CRTAP: variants seen among roughly 807,000 people sequenced by gnomAD.
CRTAP encodes cartilage-associated protein.
CRTAP carries 33 observed loss-of-function variants against 42.7 expected under a neutral mutation model. The observed-to-expected ratio is 0.77, with a 90% CI of 0.59 to 1.03. The LOEUF is 1.03. Among genes scored for constraint, CRTAP ranks in the 50% least tolerant of loss-of-function variants. The pLI is 0.00. For synonymous variants in CRTAP, 243 were observed against 217.7 expected (o/e 1.12, Z -1.02); for missense variants, 613 against 533.9 (o/e 1.15, Z -1.46).
Position 33,145,248 on chromosome 3 carries a change from T to C in CRTAP, c.*2800T>C, listed in dbSNP as rs537364267. 6.6e-6 allele frequency: 1 copy of C among 152,542 alleles called. No homozygotes were observed. The highest frequency in any genetic ancestry group is 2.1e-4 in the South Asian group (1 of 4,822). 9.4% of individuals were successfully genotyped at this position (152,542 alleles called of 1,614,324 possible). ...CCTGCATCAGGTTCTCCTTTGAGGG[T>C]ACCCACCCAGGACAGTCCCCTACCA... On this transcript the variant is annotated 3_prime_UTR_variant, in exon 7 of 7. Coordinates refer to ENST00000320954, the MANE Select transcript of CRTAP (RefSeq NM_006371.5). The surrounding 1 kb of genome is among the most constrained non-coding windows in gnomAD (Gnocchi z 4.3).
In CRTAP at chr3:33,132,605, G is replaced by C. The variant is rs2030298942; in HGVS notation, c.973G>C (p.Asp325His). Residue 325 changes from aspartate to histidine, a missense_variant, in exon 5 of 7, where the codon GAT (aspartate) becomes CAT (histidine). By Grantham distance (81) the Asp-to-His change is moderately conservative. Transcript: ENST00000320954. ...CTGTGCAGTCAGCTATCTGCTCTTT[G>C]ATCAGAATGACAAGGTCATGCAGCA... ...APCAVSYLLF[D>H]QNDKVMQQNL... The C allele has an allele frequency of 2.5e-6, 4 of 1,614,154 alleles. No homozygotes were observed. The highest frequency in any genetic ancestry group is 2.2e-5 in the East Asian group (1 of 44,878).
chr3:33,132,441 TGAA>T lies in CRTAP; in HGVS notation c.923-109_923-107del, dbSNP rs1401355372. Reference sequence around the variant, plus strand: ...GGCTGCCAGTCGGCCCCAGGCTCTCTGAAGAAGGACTGTGGAGAAGGGGCTTGT... The same window carrying T: ...GGCTGCCAGTCGGCCCCAGGCTCTCTGAAGGACTGTGGAGAAGGGGCTTGT... On this transcript the variant is annotated intron_variant, in intron 4 of 6. Transcript: ENST00000320954. 4.0e-6 allele frequency: 6 copies of T among 1,483,538 alleles called. No individual in the cohort carries two copies. In the Admixed American group the frequency reaches 8.4e-5, roughly 21 times the overall value. The allele number at this position is 1,483,538 out of a possible 1,614,324, so 91.9% of individuals were successfully genotyped here. A position where few individuals can be genotyped will look rare whatever the true frequency, so the allele number is the denominator to read the frequency against.
chr3:33,114,622 G>A (rs1425793401), intron 1 of CRTAP, 74 bp downstream of exon 1: 6 of 1,410,164 alleles, frequency 4.3e-6, no homozygotes, highest in Non-Finnish European at 5.8e-6. Flanking sequence ...CCCCGCCCCT[G>A]CGCCCGGGGC....
intron 5 of CRTAP, among the ~76,000 whole-genome samples, chr3:33,133,404 G>A (rs532668764): frequency 3.3e-5 from 5 of 151,834 alleles, no homozygotes; most frequent in African/African-American, 2.4e-5. Context: ...GATTACAGGC[G>A]TGCACCAACA....
At chr3:33,139,178 C>T (rs2030505336) in intron 6 of CRTAP, among the ~76,000 whole-genome samples, 1 of 151,958 alleles carries the variant, frequency 6.6e-6, no homozygotes, top group African/African-American at 2.4e-5. Context: ...TGGTGCACAT[C>T]TGTAATCCTA....
chr3:33,125,132 A>G, intron 3 of CRTAP, among the ~76,000 whole-genome samples: 1 of 152,210 alleles, frequency 6.6e-6, no homozygotes, highest in East Asian at 1.9e-4. Flanking sequence ...GACATTTCCC[A>G]AGTGCTTTAC....
rs2030609138 is a variant in CRTAP, at chr3:33,142,630, C to CTTG, written c.*182_*183insTTG. On this transcript the variant is annotated 3_prime_UTR_variant, in exon 7 of 7. Coordinates refer to ENST00000320954, the MANE Select transcript of CRTAP (RefSeq NM_006371.5). Reference sequence around the variant, plus strand: ...TGAGCCTGCCTTTCCTATCTTCACACCTGCCACCTCATGTTCACACCTATC... The same window carrying CTTG: ...TGAGCCTGCCTTTCCTATCTTCACACTTGCTGCCACCTCATGTTCACACCTATC... 9 of 599,732 alleles carry CTTG rather than the reference C, an allele frequency of 1.5e-5. No homozygotes were observed. The highest frequency in any genetic ancestry group is 2.7e-5 in the Non-Finnish European group (9 of 336,854). 37.2% of individuals were successfully genotyped at this position (599,732 alleles called of 1,614,324 possible).
In CRTAP at chr3:33,146,028, TA is replaced by T. The variant is rs139183288; in HGVS notation, c.*3592del. Reference sequence around the variant, plus strand: ...TTCTATTTCAAAGGAAACCAAACCTTAAAAAAAAAAAACAAAAACTGGGCTG... The same window carrying T: ...TTCTATTTCAAAGGAAACCAAACCTTAAAAAAAAAAACAAAAACTGGGCTG... On this transcript the variant is annotated 3_prime_UTR_variant, in exon 7 of 7. Coordinates refer to ENST00000320954, the MANE Select transcript of CRTAP (RefSeq NM_006371.5). 6.2e-3 allele frequency: 878 copies of T among 141,036 alleles called. 2 individuals carry two copies. Among genetic ancestry groups the T allele is most frequent in the Non-Finnish European group, 0.01 (657 of 64,426 alleles). 8.7% of individuals were successfully genotyped at this position (141,036 alleles called of 1,614,324 possible).
rs747540938 is a variant in CRTAP at position 33,132,650 on chromosome 3, T to C, written c.1018T>C (p.Tyr340His). The change falls in exon 5 of 7, where the codon TAC becomes CAC. Residue 340 changes from tyrosine to histidine, a missense_variant. Physicochemically the swap from Tyr to His is moderately conservative, Grantham distance 83 (BLOSUM62 2). Transcript: ENST00000320954. The part of the protein sequence containing the change: ...VMQQNLVYYQ[Y>H]HRDTWGLSDE... Reference sequence around the variant, plus strand: ...GCAGCAGAACCTGGTGTATTACCAGTACCACAGGGACACTTGGGGCCTCTC... The same window carrying C: ...GCAGCAGAACCTGGTGTATTACCAGCACCACAGGGACACTTGGGGCCTCTC... 1.2e-6 allele frequency: 2 copies of C among 1,614,110 alleles called. No homozygotes were observed. The highest frequency in any genetic ancestry group is 1.7e-6 in the Non-Finnish European group (2 of 1,179,960).
intron 5 of CRTAP, among the ~76,000 whole-genome samples, chr3:33,133,948 G>T (rs1438170341): frequency 6.6e-6 from 1 of 152,102 alleles, no homozygotes; most frequent in Non-Finnish European, 1.5e-5. Flanking sequence ...TCCACTGAGG[G>T]CTGGCCACTC....
intron 4 of CRTAP, among the ~76,000 whole-genome samples, chr3:33,132,335 G>T (rs1467825120): frequency 6.6e-6 from 1 of 152,208 alleles, no homozygotes; most frequent in Non-Finnish European, 1.5e-5. Flanking sequence ...TTTCTCCATA[G>T]GCATGTGCCT....
At chr3:33,120,212 G>C in intron 1 of CRTAP, 132 bp from the exon 2 acceptor site, 1 of 827,800 alleles carries the variant, frequency 1.2e-6, no homozygotes, top group East Asian at 2.5e-5. Flanking sequence ...AGGGGCCCTG[G>C]AAGTCATGGA....
intron 4 of CRTAP, 78 bp downstream of exon 4, chr3:33,130,145 CT>C: frequency 7.0e-7 from 1 of 1,436,926 alleles, no homozygotes; most frequent in Non-Finnish European, 9.8e-7. Flanking sequence ...TAACTCTTAG[CT>C]ACGGTTGTTG....
At chr3:33,141,913 A>G (rs2030582248) in intron 6 of CRTAP, among the ~76,000 whole-genome samples, 4 of 152,162 alleles carry the variant, frequency 2.6e-5, no homozygotes, top group Admixed American at 6.5e-5. Flanking sequence ...GTATGCAAGC[A>G]CTCAATCATT....
At chr3:33,137,767 T>C (rs1186513553) in intron 6 of CRTAP, among the ~76,000 whole-genome samples, 1 of 152,230 alleles carries the variant, frequency 6.6e-6, no homozygotes, top group East Asian at 1.9e-4. Context: ...TAAGAAACCA[T>C]TGCCTAATCC....
At chr3:33,132,802 G>A (rs2030306823) in intron 5 of CRTAP, 102 bp downstream of exon 5, 1 of 1,414,012 alleles carries the variant, frequency 7.1e-7, no homozygotes, top group African/African-American at 1.4e-5. Flanking sequence ...TAAAGGGGCT[G>A]GGCGCGGTGA....
intron 6 of CRTAP, among the ~76,000 whole-genome samples, chr3:33,136,738 A>T (rs1466105453): frequency 6.6e-6 from 1 of 152,144 alleles, no homozygotes; most frequent in Admixed American, 6.5e-5. Context: ...AAACAACTAG[A>T]TCTTGTGTGA....
intron 3 of CRTAP, among the ~76,000 whole-genome samples, chr3:33,127,651 T>C (rs1393921774): frequency 6.6e-6 from 1 of 152,136 alleles, no homozygotes; most frequent in Non-Finnish European, 1.5e-5. Context: ...TTTCACCACG[T>C]TGGCCAGGCT....
intron 3 of CRTAP, among the ~76,000 whole-genome samples, chr3:33,125,129 C>G (rs887335684): frequency 6.6e-6 from 1 of 152,188 alleles, no homozygotes; most frequent in African/African-American, 2.4e-5. Flanking sequence ...CTAGACATTT[C>G]CCAAGTGCTT....
Sources: allele counts gnomAD v4.1 joint callset (sites outside exome capture counted in the v4.1 genomes callset), GRCh38; gene constraint gnomAD v4.1.1; non-coding constraint Gnocchi (gnomAD v3.1); transcripts MANE v1.5; gene names NCBI Gene and HGNC (gene_info 2026-07-23, HGNC 2026-07-21).